CPSF2: variants seen among roughly 807,000 people sequenced by gnomAD.
CPSF2 encodes the protein cleavage and polyadenylation specific factor 2.
In CPSF2, 51 loss-of-function variants were observed where a neutral mutation model predicts 84.2. That is an observed-to-expected ratio of 0.61 (90% CI 0.48 to 0.77). CPSF2 has a LOEUF of 0.77. Among genes scored for constraint, CPSF2 ranks in the 30% least tolerant of loss-of-function variants. CPSF2 has a pLI of 0.00. For missense variants in CPSF2, 641 were observed against 929.4 expected (o/e 0.69, Z 4.03); for synonymous variants, 286 against 311.9 (o/e 0.92, Z 0.87).
intron 9 of CPSF2, among the ~76,000 whole-genome samples, chr14:92,146,111 G>A (rs552797426): frequency 8.5e-5 from 13 of 152,324 alleles, no homozygotes; most frequent in African/African-American, 3.1e-4. Context: ...TGTATAGCAT[G>A]ATGAACTTTT....
chr14:92,142,444 C>A, intron 8 of CPSF2, 93 bp downstream of exon 8: 1 of 942,786 alleles, frequency 1.1e-6, no homozygotes, highest in Non-Finnish European at 1.6e-6. Context: ...TTTTATTTTT[C>A]TCTTGAAGAG....
At chr14:92,158,890 T>C (rs537036458) in intron 13 of CPSF2, 93 bp from the exon 14 acceptor site, 287 of 1,188,346 alleles carry the variant, frequency 2.4e-4, no homozygotes, top group Non-Finnish European at 3.2e-4. Flanking sequence ...TTTTAACATA[T>C]TACCAGAGGT....
At chr14:92,151,545 G>A (rs1019386305) in intron 9 of CPSF2, among the ~76,000 whole-genome samples, 8 of 151,786 alleles carry the variant, frequency 5.3e-5, no homozygotes, top group Non-Finnish European at 5.9e-5. Flanking sequence ...GAGTTTTAAT[G>A]TAGTATCAAA....
chr14:92,156,645 T>A lies in CPSF2; in HGVS notation c.1595+14T>A. On this transcript the variant is annotated intron_variant, in intron 12 of 15. Transcript: ENST00000298875. ...TATTGAAATAAAGTAAGTGCTTTTG[T>A]GACATTTTGAAAATAGATTATAAGA... 2.0e-6 allele frequency: 3 copies of A among 1,497,988 alleles called. No individual in the cohort carries two copies. Among genetic ancestry groups the A allele is most frequent in the Non-Finnish European group, 2.7e-6 (3 of 1,109,264 alleles). The allele number at this position is 1,497,988 out of a possible 1,614,324, so 92.8% of individuals were successfully genotyped here.
intron 3 of CPSF2, among the ~76,000 whole-genome samples, chr14:92,131,793 C>T (rs890787691): frequency 2.6e-5 from 4 of 151,036 alleles, no homozygotes; most frequent in Non-Finnish European, 4.4e-5. Flanking sequence ...GAGCCGAGAT[C>T]GTACCACTAC....
chr14:92,122,853 C>G (rs1018096716), intron 1 of CPSF2, among the ~76,000 whole-genome samples: 1 of 141,192 alleles, frequency 7.1e-6, no homozygotes, highest in Admixed American at 7.1e-5. Flanking sequence ...TTTTTTCTTT[C>G]TTTTTTTTTT....
In CPSF2 at chr14:92,155,306, A is replaced by G. The variant is rs1050414003; in HGVS notation, c.1425A>G (p.Glu475=). Residue 475 remains glutamate (E), a synonymous_variant, in exon 11 of 16, where the codon GAA becomes GAG. Coordinates refer to ENST00000298875, the MANE Select transcript of CPSF2 (RefSeq NM_017437.3). ...CAGAAGAAAGAATTAAATGGGATGA[A>G]TATGGAGAGATTATCAAGTATGTGA... is the stretch of plus-strand genomic sequence containing the variant. ...PAPEERIKWD[E]YGEIIKPEDF... The G allele has an allele frequency of 1.2e-6, 2 of 1,613,798 alleles. No individual in the cohort carries two copies. Among genetic ancestry groups the G allele is most frequent in the Admixed American group, 1.7e-5 (1 of 60,018 alleles).
chr14:92,159,096 G>C lies in CPSF2; in HGVS notation c.1935G>C (p.Gly645=), dbSNP rs373221506. 3 of 1,613,858 alleles carry C rather than the reference G, an allele frequency of 1.9e-6. No homozygotes were observed. The African/African-American group carries it at 4.0e-5, about 22-fold the overall frequency. Residue 645 remains glycine, a synonymous_variant, in exon 14 of 16, where the codon GGG becomes GGC. Coordinates refer to ENST00000298875, the MANE Select transcript of CPSF2 (RefSeq NM_017437.3). The stretch of plus-strand genomic sequence containing the variant: ...TGAGAGTTTCCAAAGTGGACACAGG[G>C]GTTATTTTAGAAGAAGGAGAACTAA... ...LDMRVSKVDT[G]VILEEGELKD...
Position 92,159,034 on chromosome 14 carries a change from G to T in CPSF2, c.1873G>T (p.Asp625Tyr). 1 of 1,614,052 alleles carries T rather than the reference G, an allele frequency of 6.2e-7. No homozygotes were observed. The highest frequency in any genetic ancestry group is 8.5e-7 in the Non-Finnish European group (1 of 1,179,960). ...CTCTCTTCAGTTTTGTAAGGCAAAAGATGCTGAATTAGCTTGGATAGATGG... is the reference window on the plus strand; with the variant it reads ...CTCTCTTCAGTTTTGTAAGGCAAAATATGCTGAATTAGCTTGGATAGATGG... ...VSSLQFCKAKDAELAWIDGVL... is the reference protein window; with the variant it reads ...VSSLQFCKAKYAELAWIDGVL... The change falls in exon 14 of 16, where the codon GAT becomes TAT. Residue 625 changes from aspartate to tyrosine, a missense_variant. Transcript: ENST00000298875.
At position 92,165,195 on chromosome 14, in the gene CPSF2, C is replaced by G. The variant is rs2069427505; in HGVS notation, c.*3451C>G. ...CCGTTGATGTACATTTGAGTTGATTCCAAATTTTGGCTATTAAGAATGCTG... is the reference window on the plus strand; with the variant it reads ...CCGTTGATGTACATTTGAGTTGATTGCAAATTTTGGCTATTAAGAATGCTG... On this transcript the variant is annotated 3_prime_UTR_variant, in exon 16 of 16. Coordinates refer to ENST00000298875, the MANE Select transcript of CPSF2 (RefSeq NM_017437.3). 6.6e-6 allele frequency: 1 copy of G among 151,702 alleles called. No individual in the cohort carries two copies. The highest frequency in any genetic ancestry group is 1.5e-5 in the Non-Finnish European group (1 of 67,998). 9.4% of individuals were successfully genotyped at this position (151,702 alleles called of 1,614,324 possible).
rs960840862 is a variant in CPSF2, at chr14:92,158,065, T to G, written c.1821+181T>G. On this transcript the variant is annotated intron_variant, in intron 13 of 15. Transcript: ENST00000298875. ...ACCATTTATCATGTTGTTGTGCCAC[T>G]GAGAGAAGAAGTACAGGATGCTATG... 3.9e-5 allele frequency among the ~76,000 whole-genome samples: 6 copies of G among 152,152 alleles called. 1 individual carries two copies. Among genetic ancestry groups the G allele is most frequent in the African/African-American group, 1.4e-4 (6 of 41,430 alleles).
intron 14 of CPSF2, 71 bp downstream of exon 14, chr14:92,159,353 T>A (rs1320072308): frequency 3.8e-6 from 5 of 1,305,330 alleles, no homozygotes; most frequent in Non-Finnish European, 5.3e-6. Flanking sequence ...GTCTTTTGGT[T>A]TTTTTCCCCC....
In CPSF2 at chr14:92,161,949, A is replaced by G. The variant is rs2069379588; in HGVS notation, c.*205A>G. 2.3e-6 allele frequency: 1 copy of G among 435,476 alleles called. No individual in the cohort carries two copies. 27.0% of individuals were successfully genotyped at this position (435,476 alleles called of 1,614,324 possible). ...TCTATCTTTTGGCTTTCAGAGTGATAGAGCTCCTAACAGGTGTACAGGCCC... is the reference window on the plus strand; with the variant it reads ...TCTATCTTTTGGCTTTCAGAGTGATGGAGCTCCTAACAGGTGTACAGGCCC... On this transcript the variant is annotated 3_prime_UTR_variant, in exon 16 of 16. Transcript: ENST00000298875.
At chr14:92,126,242 T>TTTTC in intron 2 of CPSF2, 62 bp downstream of exon 2, 1 of 152,356 alleles carries the variant, frequency 6.6e-6, no homozygotes, top group East Asian at 1.9e-4. Context: ...TGAAAATATC[T>TTTTC]TTTCATCTGT....
chr14:92,161,974 CA>C lies in CPSF2; in HGVS notation c.*232del. 2.9e-6 allele frequency: 1 copy of C among 342,880 alleles called. No individual in the cohort carries two copies. Among genetic ancestry groups the C allele is most frequent in the Non-Finnish European group, 5.2e-6 (1 of 191,718 alleles). 21.2% of individuals were successfully genotyped at this position (342,880 alleles called of 1,614,324 possible). On this transcript the variant is annotated 3_prime_UTR_variant, in exon 16 of 16. Coordinates refer to ENST00000298875, the MANE Select transcript of CPSF2 (RefSeq NM_017437.3). ...AGAGCTCCTAACAGGTGTACAGGCC[CA>C]AGAGTTGAAGGTGATTGGTTTTCTT...
intron 9 of CPSF2, among the ~76,000 whole-genome samples, chr14:92,152,967 G>GC (rs2141476576): frequency 6.6e-6 from 1 of 151,570 alleles, no homozygotes; most frequent in South Asian, 2.1e-4. Flanking sequence ...ACTACTATAA[G>GC]CATTGCTGCA....
intron 7 of CPSF2, 143 bp from the exon 8 acceptor site, chr14:92,142,021 A>C: frequency 1.8e-6 from 1 of 559,144 alleles, no homozygotes; most frequent in Non-Finnish European, 3.1e-6. Flanking sequence ...CCTGAACAAA[A>C]TTCCTTCATT....
intron 9 of CPSF2, among the ~76,000 whole-genome samples, chr14:92,151,635 A>T (rs952711877): frequency 6.6e-6 from 1 of 152,194 alleles, no homozygotes; most frequent in Non-Finnish European, 1.5e-5. Context: ...TTTTCTTCAT[A>T]TACTTTAACC....
In CPSF2 at chr14:92,133,996, A is replaced by T; in HGVS notation, c.150-15A>T. Reference sequence around the variant, plus strand: ...AAAGATTCAAGAAGTAGTCCTTTGGATTGTGTTCTTGTAGGCATGTTCACC... The same window carrying T: ...AAAGATTCAAGAAGTAGTCCTTTGGTTTGTGTTCTTGTAGGCATGTTCACC... On this transcript the variant is annotated splice_polypyrimidine_tract_variant and intron_variant, in intron 3 of 15. Transcript: ENST00000298875. 1.2e-6 allele frequency: 2 copies of T among 1,612,868 alleles called. No individual in the cohort carries two copies. Among genetic ancestry groups the T allele is most frequent in the Non-Finnish European group, 1.7e-6 (2 of 1,179,376 alleles).
Sources: gnomAD v4.1 joint callset for allele counts (sites outside exome capture counted in the v4.1 genomes callset) on GRCh38, gnomAD v4.1.1 for gene constraint, MANE v1.5 for transcripts, NCBI Gene and HGNC (gene_info 2026-07-23, HGNC 2026-07-21) for gene names.